The following FYB2 variants were observed in gnomAD, a reference collection of about 807,000 sequenced individuals.
The protein encoded by FYB2 is FYN-binding protein 2.
A neutral mutation model predicts 94.1 loss-of-function variants in FYB2; 103 were observed. That is an observed-to-expected ratio of 1.09 (90% CI 0.93 to 1.29). FYB2 has a LOEUF of 1.29. Ranked by LOEUF, FYB2 falls within the 50% of genes most tolerant of loss-of-function variation. The probability of loss-of-function intolerance (pLI) is 0.00; values close to 1 mark genes in which losing one functional copy is unlikely to be tolerated. For missense variants in FYB2, 896 were observed against 841.5 expected (o/e 1.06, Z -0.80); for synonymous variants, 293 against 287.9 (o/e 1.02, Z -0.18).
chr1:56,723,959 A>T (rs1569847703), intron 16 of FYB2, among the ~76,000 whole-genome samples: 1 of 152,080 alleles, frequency 6.6e-6, no homozygotes, highest in African/African-American at 2.4e-5. Context: ...ACAATTAAAA[A>T]AATATTTTTG....
At chr1:56,824,452 A>G (rs1380482778), upstream of FYB2, 1 of 152,196 alleles carries the variant, frequency 6.6e-6, no homozygotes, top group Admixed American at 6.5e-5. Context: ...AAACCATAGC[A>G]ATTGGTATGT....
chr1:56,807,821 C>T (rs1307692957), intron 1 of FYB2, among the ~76,000 whole-genome samples: 1 of 152,148 alleles, frequency 6.6e-6, no homozygotes, highest in Non-Finnish European at 1.5e-5. Context: ...TGTTTGGATC[C>T]CTGCCCTTTC....
intron 1 of FYB2, among the ~76,000 whole-genome samples, chr1:56,793,255 C>T (rs976930968): frequency 2.6e-5 from 4 of 152,116 alleles, no homozygotes; most frequent in African/African-American, 7.2e-5. Context: ...CACAACTACC[C>T]TTAAACCAAA....
At chr1:56,794,687 C>G (rs1440602148) in intron 1 of FYB2, among the ~76,000 whole-genome samples, 3 of 152,002 alleles carry the variant, frequency 2.0e-5, no homozygotes, top group Non-Finnish European at 4.4e-5. Context: ...CACACACACG[C>G]ACAGGCACAC....
At chr1:56,800,457 T>C (rs954542516) in intron 1 of FYB2, among the ~76,000 whole-genome samples, 1 of 152,126 alleles carries the variant, frequency 6.6e-6, no homozygotes, top group Non-Finnish European at 1.5e-5. Flanking sequence ...ATTAAAAGCT[T>C]CCTATGTAAA....
chr1:56,725,886 T>C (rs1488649509), intron 16 of FYB2, among the ~76,000 whole-genome samples: 3 of 151,982 alleles, frequency 2.0e-5, no homozygotes, highest in Non-Finnish European at 4.4e-5. Flanking sequence ...GTAGAGAAAG[T>C]ACCTCATATC....
At chr1:56,723,262 G>A (rs1439682619) in intron 17 of FYB2, among the ~76,000 whole-genome samples, 3 of 151,596 alleles carry the variant, frequency 2.0e-5, no homozygotes, top group Non-Finnish European at 4.4e-5. Flanking sequence ...CAACTAATCA[G>A]TGTTACAAAA....
upstream of FYB2, among the ~76,000 whole-genome samples, chr1:56,821,667 A>G (rs976586237): frequency 2.0e-5 from 3 of 152,084 alleles, no homozygotes; most frequent in Admixed American, 6.5e-5. Context: ...CTCCTCCTCA[A>G]TGGTTGGTGG....
intron 4 of FYB2, among the ~76,000 whole-genome samples, chr1:56,781,545 T>G (rs903243835): frequency 9.2e-5 from 14 of 152,264 alleles, no homozygotes; most frequent in Non-Finnish European, 1.9e-4. Context: ...AAATCATGTA[T>G]AAAGTACTTA....
intron 4 of FYB2, among the ~76,000 whole-genome samples, chr1:56,778,578 A>G (rs1219352916): frequency 6.6e-6 from 1 of 152,224 alleles, no homozygotes; most frequent in Non-Finnish European, 1.5e-5. Context: ...GTTCTAGAAT[A>G]TAAAAATAAA....
intron 1 of FYB2, among the ~76,000 whole-genome samples, chr1:56,809,800 T>C (rs1252868835): frequency 2.0e-5 from 3 of 152,196 alleles, no homozygotes; most frequent in Admixed American, 2.0e-4. Flanking sequence ...TTTAAAAGTC[T>C]TAAGGTGAAA....
chr1:56,809,714 T>C lies in FYB2; in HGVS notation c.9+9568A>G, dbSNP rs148313974. ...GTTTATTACACTCTAATTGTTTTTT[T>C]ACATTTTTTCCCCTTCCTCCCTAGA... On this transcript the variant is annotated intron_variant, in intron 1 of 19. Transcript: ENST00000343433. 5.8e-3 allele frequency among the ~76,000 whole-genome samples: 885 copies of C among 152,304 alleles called. 14 individuals carry two copies. Among genetic ancestry groups the C allele is most frequent in the African/African-American group, 0.02 (811 of 41,566 alleles).
At position 56,723,598 on chromosome 1, in the gene FYB2, T is replaced by A. The variant is rs1644528712; in HGVS notation, c.1964A>T (p.Glu655Val). ...CAGAAGAGAACGTACCTTAAACCTTTCTCTAAATAGTTTTTCTTCTCTTTT... is the reference window on the plus strand; with the variant it reads ...CAGAAGAGAACGTACCTTAAACCTTACTCTAAATAGTTTTTCTTCTCTTTT... ...RMKREEKLFR[E>V]RFKYDKEIIV... Residue 655 changes from glutamate (E) to valine (V), a missense_variant, in exon 17 of 20, where the codon GAA becomes GTA. By Grantham distance (121) the Glu-to-Val change is moderately radical. Transcript: ENST00000343433. 6.5e-7 allele frequency: 1 copy of A among 1,541,226 alleles called. No individual in the cohort carries two copies. Among genetic ancestry groups the A allele is most frequent in the Non-Finnish European group, 8.9e-7 (1 of 1,121,422 alleles).
At chr1:56,774,846 C>T (rs1413312645) in intron 4 of FYB2, among the ~76,000 whole-genome samples, 1 of 152,096 alleles carries the variant, frequency 6.6e-6, no homozygotes, top group Non-Finnish European at 1.5e-5. Flanking sequence ...AAATAATAGA[C>T]TGCCTGAGTC....
At chr1:56,781,467 T>C (rs1646007646) in intron 4 of FYB2, among the ~76,000 whole-genome samples, 1 of 152,230 alleles carries the variant, frequency 6.6e-6, no homozygotes, top group African/African-American at 2.4e-5. Context: ...ACTTAACTTC[T>C]CTGTGACTCA....
chr1:56,740,612 GT>G, intron 13 of FYB2, 84 bp downstream of exon 13: 1 of 788,796 alleles, frequency 1.3e-6, no homozygotes, highest in Non-Finnish European at 2.0e-6. Context: ...CCCCTTCACT[GT>G]TTCTGAGATT....
intron 1 of FYB2, among the ~76,000 whole-genome samples, chr1:56,796,794 G>C (rs1200306256): frequency 1.3e-5 from 2 of 152,094 alleles, no homozygotes; most frequent in African/African-American, 4.8e-5. Context: ...CTGTAACTTT[G>C]AATGTGCTGC....
At chr1:56,788,893 G>A (rs775065435) in intron 3 of FYB2, 80 bp downstream of exon 3, 2 of 1,546,524 alleles carry the variant, frequency 1.3e-6, no homozygotes, top group Non-Finnish European at 1.8e-6. Flanking sequence ...AAGCAGCAGC[G>A]GCATCGTCAC....
intron 4 of FYB2, among the ~76,000 whole-genome samples, chr1:56,772,468 T>A (rs1207196679): frequency 6.6e-6 from 1 of 152,162 alleles, no homozygotes; most frequent in Non-Finnish European, 1.5e-5. Context: ...TAAAACTAGA[T>A]CTGAGATCCA....
Sources: gnomAD v4.1 joint callset for allele counts (sites outside exome capture counted in the v4.1 genomes callset) on GRCh38, gnomAD v4.1.1 for gene constraint, MANE v1.5 for transcripts, NCBI Gene and HGNC (gene_info 2026-07-23, HGNC 2026-07-21) for gene names.